DEFB123: variants seen among roughly 807,000 people sequenced by gnomAD.
DEFB123 encodes the protein defensin beta 123.
For missense variants in DEFB123, 71 were observed against 75.0 expected (o/e 0.95, Z 0.20); for synonymous variants, 22 against 28.3 (o/e 0.78, Z 0.71).
At chr20:31,449,925 AG>A (rs1979694551) in intron 1 of DEFB123, 103 bp from the exon 2 acceptor site, 1 of 1,372,946 alleles carries the variant, frequency 7.3e-7, no homozygotes, top group Non-Finnish European at 9.7e-7. Context: ...AAGGGAAACA[AG>A]GGACCTTCTA....
At chr20:31,443,473 A>T (rs73232316) in intron 1 of DEFB123, among the ~76,000 whole-genome samples, 5,438 of 152,308 alleles carry the variant, frequency 0.036, 339 homozygotes, top group African/African-American at 0.12. Flanking sequence ...AATTTCTCTG[A>T]AGAGCTACCA....
intron 1 of DEFB123, among the ~76,000 whole-genome samples, chr20:31,447,558 A>C (rs1374036313): frequency 6.6e-6 from 1 of 151,480 alleles, no homozygotes; most frequent in Non-Finnish European, 1.5e-5. Flanking sequence ...TATTACTTTA[A>C]AGATCTCTCT....
chr20:31,440,722 G>C lies in DEFB123; in HGVS notation c.24G>C (p.Leu8Phe), dbSNP rs1979441447. 1 of 1,613,710 alleles carries C rather than the reference G, an allele frequency of 6.2e-7. No homozygotes were observed. Among genetic ancestry groups the C allele is most frequent in the East Asian group, 2.2e-5 (1 of 44,882 alleles). ...CCATGAAGCTCCTTTTGCTGACTTTGACTGTGCTGCTGCTCTTATCCCAGC... is the reference window on the plus strand; with the variant it reads ...CCATGAAGCTCCTTTTGCTGACTTTCACTGTGCTGCTGCTCTTATCCCAGC... MKLLLLT[L>F]TVLLLLSQLT... Residue 8 changes from leucine to phenylalanine, a missense_variant, in exon 1 of 2, where the codon TTG becomes TTC. Leu to Phe is a conservative substitution (Grantham distance 22). Coordinates refer to ENST00000376309, the MANE Select transcript of DEFB123 (RefSeq NM_153324.4).
At chr20:31,444,580 A>T (rs1157470755) in intron 1 of DEFB123, among the ~76,000 whole-genome samples, 1 of 152,214 alleles carries the variant, frequency 6.6e-6, no homozygotes, top group Non-Finnish European at 1.5e-5. Context: ...CACAGATGCT[A>T]AAAAAGTGTA....
intron 1 of DEFB123, among the ~76,000 whole-genome samples, chr20:31,449,767 CAAAAAAAAAAAAAAA>C (rs59939526): frequency 3.8e-5 from 2 of 52,484 alleles, no homozygotes; most frequent in East Asian, 2.5e-3. Context: ...AGACTCATCT[CAAAAAAAAAAAAAAA>C]AAAAAAAAAA....
At chr20:31,449,767 C>CAAAA (rs59939526) in intron 1 of DEFB123, among the ~76,000 whole-genome samples, 47 of 52,496 alleles carry the variant, frequency 9.0e-4, no homozygotes, top group African/African-American at 1.7e-3. Context: ...AGACTCATCT[C>CAAAA]AAAAAAAAAA....
At chr20:31,448,078 G>C in intron 1 of DEFB123, among the ~76,000 whole-genome samples, 1 of 151,878 alleles carries the variant, frequency 6.6e-6, no homozygotes, top group African/African-American at 2.4e-5. Flanking sequence ...GAGCCACCAC[G>C]TCTGGCCTAA....
intron 1 of DEFB123, among the ~76,000 whole-genome samples, chr20:31,442,320 A>G (rs1233925907): frequency 6.6e-6 from 1 of 152,204 alleles, no homozygotes; most frequent in Non-Finnish European, 1.5e-5. Flanking sequence ...TTACAGGGAA[A>G]AGTAACTTGA....
At chr20:31,444,646 A>G (rs1979542459) in intron 1 of DEFB123, among the ~76,000 whole-genome samples, 1 of 152,186 alleles carries the variant, frequency 6.6e-6, no homozygotes, top group Non-Finnish European at 1.5e-5. Flanking sequence ...TAAATTAAAA[A>G]TTGAGATTTT....
At chr20:31,449,504 A>T (rs968384885) in intron 1 of DEFB123, among the ~76,000 whole-genome samples, 1 of 152,130 alleles carries the variant, frequency 6.6e-6, no homozygotes, top group African/African-American at 2.4e-5. Flanking sequence ...AGACCTGTGC[A>T]ATCACTGGGA....
At chr20:31,441,188 G>A (rs1243628756) in intron 1 of DEFB123, among the ~76,000 whole-genome samples, 3 of 152,168 alleles carry the variant, frequency 2.0e-5, no homozygotes, top group Non-Finnish European at 2.9e-5. Context: ...CTAGGACCAC[G>A]GAGATAAATG....
At chr20:31,443,121 A>G (rs535205561) in intron 1 of DEFB123, among the ~76,000 whole-genome samples, 1 of 152,280 alleles carries the variant, frequency 6.6e-6, no homozygotes, top group South Asian at 2.1e-4. Flanking sequence ...TGTGGTTAGT[A>G]GCGTCCTGCT....
rs1044349620 is a variant in DEFB123, at chr20:31,445,129, A to T, written c.58+4373A>T. Among the ~76,000 whole-genome samples, 4 of 152,208 alleles carry T rather than the reference A, an allele frequency of 2.6e-5. No individual in the cohort carries two copies. The East Asian group carries it at 7.7e-4, about 29-fold the overall frequency. On this transcript the variant is annotated intron_variant, in intron 1 of 1. Transcript: ENST00000376309. ...GATTGCATACTCAAGGTAAAATTCA[A>T]TGTGTTCCTCTGACCTCTGCATTTC...
chr20:31,443,535 G>A (rs939562586), intron 1 of DEFB123, among the ~76,000 whole-genome samples: 5 of 152,184 alleles, frequency 3.3e-5, no homozygotes, highest in Admixed American at 3.3e-4. Context: ...TTCTGCGTTG[G>A]CAATTTCTTT....
chr20:31,441,458 T>TG (rs1181472424), intron 1 of DEFB123, among the ~76,000 whole-genome samples: 2 of 151,100 alleles, frequency 1.3e-5, no homozygotes, highest in African/African-American at 4.9e-5. Context: ...GGAGAGAGCA[T>TG]GGGAGTGTCG....
At chr20:31,447,046 T>C (rs556285852) in intron 1 of DEFB123, among the ~76,000 whole-genome samples, 151 of 151,720 alleles carry the variant, frequency 1.0e-3, no homozygotes, top group African/African-American at 3.6e-3. Flanking sequence ...GTGGATCACC[T>C]GAGGTCAGGA....
chr20:31,442,313 C>T (rs1979482352), intron 1 of DEFB123, among the ~76,000 whole-genome samples: 1 of 152,130 alleles, frequency 6.6e-6, no homozygotes, highest in African/African-American at 2.4e-5. Context: ...TATCTGGTTA[C>T]AGGGAAAAGT....
intron 1 of DEFB123, among the ~76,000 whole-genome samples, chr20:31,442,633 C>CTCTG (rs1471625490): frequency 4.0e-5 from 5 of 125,354 alleles, no homozygotes. Context: ...CAGGGTCTTG[C>CTCTG]TCTGTCACCC....
intron 1 of DEFB123, among the ~76,000 whole-genome samples, chr20:31,442,935 G>A (rs1337202091): frequency 6.6e-6 from 1 of 152,060 alleles, no homozygotes; most frequent in Non-Finnish European, 1.5e-5. Context: ...GTTGTTCATG[G>A]AATGTCTCAC....
Sources: allele counts gnomAD v4.1 joint callset (sites outside exome capture counted in the v4.1 genomes callset), GRCh38; gene constraint gnomAD v4.1.1; transcripts MANE v1.5; gene names NCBI Gene and HGNC (gene_info 2026-07-23, HGNC 2026-07-21).